The following ZNF660 variants were observed in gnomAD, a reference collection of about 807,000 sequenced individuals.
The protein encoded by ZNF660 is zinc finger protein 660.
Under a neutral mutation model 23.2 loss-of-function variants are expected in ZNF660, and 24 were observed. The observed-to-expected ratio is 1.04, with a 90% confidence interval of 0.75 to 1.46. ZNF660 has a LOEUF of 1.46. ZNF660 is among the 40% of genes most tolerant of loss of function. The pLI is 0.00. For synonymous variants in ZNF660, 117 were observed against 131.4 expected (o/e 0.89, Z 0.75); for missense variants, 373 against 396.8 (o/e 0.94, Z 0.51).
chr3:44,597,090 T>G lies in ZNF660; in HGVS notation c.*1901T>G, dbSNP rs894977022. 6.6e-6 allele frequency: 1 copy of G among 152,210 alleles called. No individual in the cohort carries two copies. The highest frequency in any genetic ancestry group is 2.4e-5 in the African/African-American group (1 of 41,456). 9.4% of individuals were successfully genotyped at this position (152,210 alleles called of 1,614,324 possible). On this transcript the variant is annotated 3_prime_UTR_variant, in exon 3 of 3. Transcript: ENST00000322734. The surrounding 1 kb of genome is among the most constrained non-coding windows in gnomAD (Gnocchi z 4.1). ...ATGTTATTTAGTTCTCCCTCTATTA[T>G]ACAAGAAAATTGAGTGTCATTGAGG...
Position 44,596,448 on chromosome 3 carries a change from G to C in ZNF660, c.*1259G>C, listed in dbSNP as rs186842058. 4.6e-5 allele frequency: 7 copies of C among 152,308 alleles called. No individual in the cohort carries two copies. The highest frequency in any genetic ancestry group is 7.3e-5 in the Non-Finnish European group (5 of 68,028). The allele number at this position is 152,308 out of a possible 1,614,324, so 9.4% of individuals were successfully genotyped here. A position where few individuals can be genotyped will look rare whatever the true frequency, so the allele number is the denominator to read the frequency against. ...AAACACTTTAGGGAGAGTGATTAAA[G>C]AGAATTTTTGTGTAAGGTAGTACTT... On this transcript the variant is annotated 3_prime_UTR_variant, in exon 3 of 3. Transcript: ENST00000322734.
chr3:44,595,082 A>G lies in ZNF660; in HGVS notation c.889A>G (p.Thr297Ala), dbSNP rs1700568618. The G allele has an allele frequency of 6.2e-7, 1 of 1,613,884 alleles. No individual in the cohort carries two copies. Among genetic ancestry groups the G allele is most frequent in the African/African-American group, 1.3e-5 (1 of 74,900 alleles). ...SQVILHLRTHTKEKPYKCSEC... is the reference protein window; with the variant it reads ...SQVILHLRTHAKEKPYKCSEC... ...AGTTATTCTACACTTGAGAACCCAC[A>G]CTAAGGAGAAACCCTATAAATGTAG... The change falls in exon 3 of 3, where the codon ACT becomes GCT. Residue 297 changes from threonine to alanine, a missense_variant. By Grantham distance (58) the Thr-to-Ala change is moderately conservative. Transcript: ENST00000322734.
rs1047206722 is a variant in ZNF660, at chr3:44,586,187, T to C, written c.-207T>C. ...ATCTGTGCTGTGCAGATCCTTTGGA[T>C]TGAGGCTGCTGTGCACAGGAATATG... On this transcript the variant is annotated 5_prime_UTR_variant, in exon 2 of 3. Transcript: ENST00000322734. The C allele has an allele frequency of 6.6e-6, 1 of 152,212 alleles. No homozygotes were observed. The highest frequency in any genetic ancestry group is 2.4e-5 in the African/African-American group (1 of 41,428). The allele number at this position is 152,212 out of a possible 1,614,324, so 9.4% of individuals were successfully genotyped here.
rs1402940250 is a variant in ZNF660, at chr3:44,596,480, T to C, written c.*1291T>C. 1.3e-5 allele frequency: 2 copies of C among 152,194 alleles called. No homozygotes were observed. Among genetic ancestry groups the C allele is most frequent in the African/African-American group, 2.4e-5 (1 of 41,436 alleles). The allele number at this position is 152,194 out of a possible 1,614,324, so 9.4% of individuals were successfully genotyped here. ...TTTGTGTAAGGTAGTACTTAGGATA[T>C]TTTCAGATGTATTGAACAGAATACC... On this transcript the variant is annotated 3_prime_UTR_variant, in exon 3 of 3. Coordinates refer to ENST00000322734, the MANE Select transcript of ZNF660 (RefSeq NM_173658.4).
intron 2 of ZNF660, among the ~76,000 whole-genome samples, chr3:44,589,100 C>T (rs1700330719): frequency 1.3e-5 from 2 of 152,178 alleles, no homozygotes; most frequent in Admixed American, 1.3e-4. Flanking sequence ...ATTCATTCAA[C>T]AAACGTTTAT....
intron 2 of ZNF660, among the ~76,000 whole-genome samples, chr3:44,593,805 A>G (rs1419247797): frequency 1.3e-5 from 2 of 151,972 alleles, no homozygotes; most frequent in Non-Finnish European, 2.9e-5. Flanking sequence ...CTGATGCTGG[A>G]CCTGCTGGGC....
rs774347323 is a variant in ZNF660 at position 44,594,598 on chromosome 3, A to G, written c.405A>G (p.Glu135=). ...QGIHSGEKTY[E]CKECGKAFSR... is the part of the protein sequence containing the mutation. Reference sequence around the variant, plus strand: ...TCCACAGTGGGGAGAAAACTTATGAATGTAAAGAGTGTGGGAAAGCCTTTA... The same window carrying G: ...TCCACAGTGGGGAGAAAACTTATGAGTGTAAAGAGTGTGGGAAAGCCTTTA... The change falls in exon 3 of 3, where the codon GAA becomes GAG. Residue 135 remains glutamate (E), a synonymous_variant. Coordinates refer to ENST00000322734, the MANE Select transcript of ZNF660 (RefSeq NM_173658.4). 2.6e-5 allele frequency: 42 copies of G among 1,614,084 alleles called. No homozygotes were observed. Among genetic ancestry groups the G allele is most frequent in the Non-Finnish European group, 3.4e-6 (4 of 1,180,044 alleles).
In ZNF660 at chr3:44,595,102, A is replaced by G. The variant is rs1338099742; in HGVS notation, c.909A>G (p.Lys303=). ...CCCACACTAAGGAGAAACCCTATAA[A>G]TGTAGTGAGTGTGGGAAAGCCTATC... ...LRTHTKEKPY[K]CSECGKAYRY... is the part of the protein sequence containing the mutation. The change falls in exon 3 of 3, where the codon AAA becomes AAG. Residue 303 remains lysine (K), a synonymous_variant. Coordinates refer to ENST00000322734, the MANE Select transcript of ZNF660 (RefSeq NM_173658.4). 1.2e-6 allele frequency: 2 copies of G among 1,612,856 alleles called. No homozygotes were observed. Among genetic ancestry groups the G allele is most frequent in the African/African-American group, 1.3e-5 (1 of 74,684 alleles).
Position 44,596,098 on chromosome 3 carries a change from A to G in ZNF660, c.*909A>G, listed in dbSNP as rs1044977962. Reference sequence around the variant, plus strand: ...TGAAATTGAAACAACTGTAGACTCAAAAACTTCAGATACAGTCACCAGTTA... The same window carrying G: ...TGAAATTGAAACAACTGTAGACTCAGAAACTTCAGATACAGTCACCAGTTA... On this transcript the variant is annotated 3_prime_UTR_variant, in exon 3 of 3. Coordinates refer to ENST00000322734, the MANE Select transcript of ZNF660 (RefSeq NM_173658.4). The G allele has an allele frequency of 4.2e-5, 7 of 166,468 alleles. No individual in the cohort carries two copies. The highest frequency in any genetic ancestry group is 1.4e-4 in the African/African-American group (6 of 41,466). The allele number at this position is 166,468 out of a possible 1,614,324, so 10.3% of individuals were successfully genotyped here. A position where few individuals can be genotyped will look rare whatever the true frequency, so the allele number is the denominator to read the frequency against.
rs766513233 is a variant in ZNF660 at position 44,596,286 on chromosome 3, TG to T, written c.*1098del. The T allele has an allele frequency of 1.3e-5, 2 of 152,194 alleles. No individual in the cohort carries two copies. The highest frequency in any genetic ancestry group is 2.9e-5 in the Non-Finnish European group (2 of 68,016). The allele number at this position is 152,194 out of a possible 1,614,324, so 9.4% of individuals were successfully genotyped here. A position where few individuals can be genotyped will look rare whatever the true frequency, so the allele number is the denominator to read the frequency against. On this transcript the variant is annotated 3_prime_UTR_variant, in exon 3 of 3. Coordinates refer to ENST00000322734, the MANE Select transcript of ZNF660 (RefSeq NM_173658.4). Reference sequence around the variant, plus strand: ...ACTTAACTGCTCTGAGCCTCAGACCTGTGTGTAAAAAAGGAACAATTACCTA... The same window carrying T: ...ACTTAACTGCTCTGAGCCTCAGACCTTGTGTAAAAAAGGAACAATTACCTA...
rs976373953 is a variant in ZNF660, at chr3:44,595,933, A to G, written c.*744A>G. On this transcript the variant is annotated 3_prime_UTR_variant, in exon 3 of 3. Transcript: ENST00000322734. Reference sequence around the variant, plus strand: ...GACTTTAGAGTTGTCAACAAAATATATAATAACACTGTTAGGTTAAAAGAA... The same window carrying G: ...GACTTTAGAGTTGTCAACAAAATATGTAATAACACTGTTAGGTTAAAAGAA... The G allele has an allele frequency of 3.6e-5, 6 of 167,124 alleles. No individual in the cohort carries two copies. The highest frequency in any genetic ancestry group is 8.8e-5 in the Non-Finnish European group (6 of 68,128). 10.4% of individuals were successfully genotyped at this position (167,124 alleles called of 1,614,324 possible).
chr3:44,591,985 G>A (rs983538981), intron 2 of ZNF660, among the ~76,000 whole-genome samples: 3 of 152,220 alleles, frequency 2.0e-5, no homozygotes, highest in East Asian at 3.9e-4. Flanking sequence ...GCAACAGAGC[G>A]AGCCTCCGTC....
At chr3:44,592,934 C>A (rs569643210) in intron 2 of ZNF660, among the ~76,000 whole-genome samples, 6 of 152,058 alleles carry the variant, frequency 3.9e-5, no homozygotes, top group Non-Finnish European at 8.8e-5. Flanking sequence ...GCGCCTGTAG[C>A]CCCAGCCACT....
chr3:44,592,688 C>T (rs1700466451), intron 2 of ZNF660, among the ~76,000 whole-genome samples: 1 of 152,188 alleles, frequency 6.6e-6, no homozygotes, highest in African/African-American at 2.4e-5. Context: ...CTCAGACTCA[C>T]CCCTTAAGTA....
chr3:44,585,822 C>G (rs1700211895), intron 1 of ZNF660, among the ~76,000 whole-genome samples: 1 of 152,104 alleles, frequency 6.6e-6, no homozygotes, highest in African/African-American at 2.4e-5. Context: ...AATATGGAAG[C>G]TTTTAGATAT....
At chr3:44,590,156 C>T (rs1575401003) in intron 2 of ZNF660, among the ~76,000 whole-genome samples, 1 of 151,868 alleles carries the variant, frequency 6.6e-6, no homozygotes, top group Non-Finnish European at 1.5e-5. Flanking sequence ...CCATACTACT[C>T]CATTGTAAGC....
chr3:44,590,273 A>G (rs901154336), intron 2 of ZNF660, among the ~76,000 whole-genome samples: 19 of 152,174 alleles, frequency 1.2e-4, no homozygotes, highest in African/African-American at 4.3e-4. Flanking sequence ...ATTTTCTCAC[A>G]GTTCTGCAGC....
At chr3:44,591,285 T>C (rs1700416651) in intron 2 of ZNF660, among the ~76,000 whole-genome samples, 1 of 152,156 alleles carries the variant, frequency 6.6e-6, no homozygotes, top group Non-Finnish European at 1.5e-5. Flanking sequence ...CACACCACCA[T>C]GCCTAGCTAA....
At chr3:44,588,199 G>A (rs1700293692) in intron 2 of ZNF660, among the ~76,000 whole-genome samples, 1 of 152,220 alleles carries the variant, frequency 6.6e-6, no homozygotes, top group South Asian at 2.1e-4. Flanking sequence ...GCCTCAGGAA[G>A]CTTTTACTCA....
Sources: gnomAD v4.1 joint callset for allele counts (sites outside exome capture counted in the v4.1 genomes callset) on GRCh38, gnomAD v4.1.1 for gene constraint, Gnocchi (gnomAD v3.1) non-coding constraint, MANE v1.5 for transcripts, NCBI Gene and HGNC (gene_info 2026-07-23, HGNC 2026-07-21) for gene names.